CNTLN: variants seen among roughly 807,000 people sequenced by gnomAD.
CNTLN encodes the protein centlein.
CNTLN carries 212 observed loss-of-function variants against 180.0 expected under a neutral mutation model. The ratio of observed to expected loss-of-function variants is 1.18; its 90% CI spans 1.05 to 1.32. The LOEUF (loss-of-function observed/expected upper bound fraction) is 1.32. CNTLN is among the 40% of genes most tolerant of loss of function. The pLI, the probability that CNTLN is intolerant of heterozygous loss-of-function variation, is 0.00. For missense variants in CNTLN, 2,095 were observed against 1,610.9 expected (o/e 1.30, Z -5.14); for synonymous variants, 722 against 563.1 (o/e 1.28, Z -3.99).
chr9:17,277,283 C>A (rs931193656), intron 6 of CNTLN, among the ~76,000 whole-genome samples: 1 of 75,494 alleles, frequency 1.3e-5, no homozygotes, highest in Admixed American at 1.3e-4. Context: ...TGGGGTAGAA[C>A]CATTACCTAA....
intron 2 of CNTLN, among the ~76,000 whole-genome samples, chr9:17,177,690 C>T (rs1820812116): frequency 1.3e-5 from 2 of 152,040 alleles, no homozygotes; most frequent in African/African-American, 2.4e-5. Flanking sequence ...TTGTTCGTTC[C>T]TCCCAGTGGG....
Position 17,179,565 on chromosome 9 carries a change from A to G in CNTLN, c.449+36189A>G, listed in dbSNP as rs985660500. 7.2e-5 allele frequency among the ~76,000 whole-genome samples: 11 copies of G among 152,188 alleles called. 1 individual carries two copies. Among genetic ancestry groups the G allele is most frequent in the Admixed American group, 4.6e-4 (7 of 15,272 alleles). On this transcript the variant is annotated intron_variant, in intron 2 of 25. Transcript: ENST00000380647. ...GTGATTTAAATTCTTTAAATTTGACAAGGTTTGTTTTGTGGCCCAAAGTAT... is the reference window on the plus strand; with the variant it reads ...GTGATTTAAATTCTTTAAATTTGACGAGGTTTGTTTTGTGGCCCAAAGTAT...
chr9:17,190,306 G>A (rs932125980), intron 2 of CNTLN, among the ~76,000 whole-genome samples: 1 of 151,560 alleles, frequency 6.6e-6, no homozygotes, highest in Non-Finnish European at 1.5e-5. Context: ...GATAAATCAG[G>A]TTCCTGTTAC....
At chr9:17,280,507 C>T (rs934685612) in intron 6 of CNTLN, among the ~76,000 whole-genome samples, 1 of 152,026 alleles carries the variant, frequency 6.6e-6, no homozygotes, top group African/African-American at 2.4e-5. Context: ...GGGCCTGAGT[C>T]ACGGATTACA....
intron 18 of CNTLN, among the ~76,000 whole-genome samples, chr9:17,426,666 C>G (rs1230774608): frequency 6.6e-6 from 1 of 151,988 alleles, no homozygotes; most frequent in African/African-American, 2.4e-5. Flanking sequence ...TCATTTTAAA[C>G]AAACTTATAT....
chr9:17,243,428 CT>C lies in CNTLN; in HGVS notation c.849+6846del, dbSNP rs1213272940. ...TGTTAGGTTGTTTATTTGTTAGGTGCTTTTTTGATGTAGATTCTTACAGCAT... is the reference window on the plus strand; with the variant it reads ...TGTTAGGTTGTTTATTTGTTAGGTGCTTTTTGATGTAGATTCTTACAGCAT... On this transcript the variant is annotated intron_variant, in intron 5 of 25. Coordinates refer to ENST00000380647, the MANE Select transcript of CNTLN (RefSeq NM_017738.4). Among the ~76,000 whole-genome samples the C allele has an allele frequency of 2.6e-5, 4 of 151,928 alleles. No individual in the cohort carries two copies. The East Asian group carries it at 7.7e-4, about 29-fold the overall frequency.
chr9:17,398,413 G>A (rs2133759085), intron 15 of CNTLN, among the ~76,000 whole-genome samples: 1 of 152,222 alleles, frequency 6.6e-6, no homozygotes, highest in East Asian at 1.9e-4. Context: ...GGGGGAGGGG[G>A]AGTTCTGAGA....
rs183811867 is a variant in CNTLN, at chr9:17,374,567, C to G, written c.1987+7850C>G. 4.0e-3 allele frequency among the ~76,000 whole-genome samples: 614 copies of G among 152,156 alleles called. 5 individuals are homozygous for G. The highest frequency in any genetic ancestry group is 0.014 in the African/African-American group (574 of 41,532). On this transcript the variant is annotated intron_variant, in intron 13 of 25. Transcript: ENST00000380647. Reference sequence around the variant, plus strand: ...GAGAACAGTTTGGAATTGACTCAAACAATTAGAAATAGGCTGGGTGCAGTG... The same window carrying G: ...GAGAACAGTTTGGAATTGACTCAAAGAATTAGAAATAGGCTGGGTGCAGTG...
At chr9:17,291,913 G>T (rs185738122) in intron 6 of CNTLN, among the ~76,000 whole-genome samples, 2 of 152,174 alleles carry the variant, frequency 1.3e-5, no homozygotes, top group African/African-American at 2.4e-5. Context: ...TTGTACTTCA[G>T]TGTGTTTTTG....
Position 17,502,556 on chromosome 9 carries a change from T to A in CNTLN, c.4125T>A (p.Pro1375=). ...YIQKLLEGQL[P]FASYLLEAVL... Reference sequence around the variant, plus strand: ...TTTTTGTGTTTCTTTTACAGCTTCCTTTTGCCTCATATTTACTAGAAGCAG... The same window carrying A: ...TTTTTGTGTTTCTTTTACAGCTTCCATTTGCCTCATATTTACTAGAAGCAG... Residue 1375 remains proline (P), a synonymous_variant, in exon 26 of 26, where the codon CCT becomes CCA. Coordinates refer to ENST00000380647, the MANE Select transcript of CNTLN (RefSeq NM_017738.4). 1 of 1,375,232 alleles carries A rather than the reference T, an allele frequency of 7.3e-7. No homozygotes were observed. The highest frequency in any genetic ancestry group is 1.0e-6 in the Non-Finnish European group (1 of 1,003,004). 85.2% of individuals were successfully genotyped at this position (1,375,232 alleles called of 1,614,324 possible). A position where few individuals can be genotyped will look rare whatever the true frequency, so the allele number is the denominator to read the frequency against.
intron 13 of CNTLN, among the ~76,000 whole-genome samples, chr9:17,379,143 A>G (rs925499252): frequency 6.6e-6 from 1 of 151,722 alleles, no homozygotes; most frequent in South Asian, 2.1e-4. Flanking sequence ...TACTTTGTTC[A>G]CGTTAGTATA....
intron 15 of CNTLN, among the ~76,000 whole-genome samples, chr9:17,406,565 AC>A (rs1438564769): frequency 6.6e-6 from 1 of 151,110 alleles, no homozygotes; most frequent in Non-Finnish European, 1.5e-5. Context: ...CCACCATTTT[AC>A]CTCCCATAAT....
At chr9:17,216,011 G>A (rs535613809) in intron 2 of CNTLN, among the ~76,000 whole-genome samples, 21 of 152,098 alleles carry the variant, frequency 1.4e-4, no homozygotes, top group Non-Finnish European at 2.6e-4. Context: ...GGGTGAGGCA[G>A]TGCCTCACCC....
At position 17,403,545 on chromosome 9, in the gene CNTLN, A is replaced by T. The variant is rs550429128; in HGVS notation, c.2616-5748A>T. Among the ~76,000 whole-genome samples the T allele has an allele frequency of 5.3e-3, 793 of 148,682 alleles. 10 individuals are homozygous for T. The highest frequency in any genetic ancestry group is 0.014 in the Middle Eastern group (4 of 288). On this transcript the variant is annotated intron_variant, in intron 15 of 25. Transcript: ENST00000380647. ...CTCTTCCATCATGGAGGAGGCATCAATTTTTTTTTTTTACAGTAGTTTTAA... is the reference window on the plus strand; with the variant it reads ...CTCTTCCATCATGGAGGAGGCATCATTTTTTTTTTTTTACAGTAGTTTTAA...
At chr9:17,378,472 C>T (rs1207863700) in intron 13 of CNTLN, among the ~76,000 whole-genome samples, 1 of 152,120 alleles carries the variant, frequency 6.6e-6, no homozygotes, top group African/African-American at 2.4e-5. Context: ...AGCCACCGCA[C>T]CCGGCCTTCT....
intron 5 of CNTLN, among the ~76,000 whole-genome samples, chr9:17,270,680 T>C (rs1320077800): frequency 6.6e-6 from 1 of 152,150 alleles, no homozygotes; most frequent in South Asian, 2.1e-4. Flanking sequence ...TTTATTGTAA[T>C]GTTTATAGAC....
At chr9:17,415,022 G>A (rs1043463827) in intron 16 of CNTLN, among the ~76,000 whole-genome samples, 4 of 151,872 alleles carry the variant, frequency 2.6e-5, no homozygotes, top group Non-Finnish European at 4.4e-5. Context: ...GGAGGCGGAG[G>A]TTGCGGTGAA....
At chr9:17,317,542 TCAGAGGGTTACCATCTGATAAG>T (rs147661915) in intron 8 of CNTLN, among the ~76,000 whole-genome samples, 6,853 of 152,110 alleles carry the variant, frequency 0.045, 207 homozygotes, top group South Asian at 0.14. Context: ...TACATTCAGG[TCAGAGGGTTACCATCTGATAAG>T]CACATGACAC....
intron 6 of CNTLN, among the ~76,000 whole-genome samples, chr9:17,290,790 C>G (rs1352243852): frequency 6.6e-6 from 1 of 151,974 alleles, no homozygotes; most frequent in East Asian, 1.9e-4. Context: ...GTCTGTCACC[C>G]CTTTCTTTGA....
Sources: allele counts gnomAD v4.1 joint callset (sites outside exome capture counted in the v4.1 genomes callset), GRCh38; gene constraint gnomAD v4.1.1; transcripts MANE v1.5; gene names NCBI Gene and HGNC (gene_info 2026-07-23, HGNC 2026-07-21).